The following SLC5A8 variants were observed in gnomAD, a reference collection of about 807,000 sequenced individuals.
The protein encoded by SLC5A8 is solute carrier family 5 member 8, also known as sodium-coupled monocarboxylate transporter 1.
Under a neutral mutation model 71.9 loss-of-function variants are expected in SLC5A8, and 55 were observed. That is an observed-to-expected ratio of 0.77 (90% confidence interval 0.62 to 0.96). The LOEUF is 0.96. Among genes scored for constraint, SLC5A8 ranks in the 40% least tolerant of loss-of-function variants. The pLI is 0.00. For missense variants in SLC5A8, 701 were observed against 745.3 expected (o/e 0.94, Z 0.69); for synonymous variants, 307 against 276.1 (o/e 1.11, Z -1.11).
intron 13 of SLC5A8, among the ~76,000 whole-genome samples, chr12:101,159,436 A>G (rs984695657): frequency 5.6e-4 from 86 of 152,322 alleles, no homozygotes; most frequent in African/African-American, 2.0e-3. Flanking sequence ...AGCCTTCTGC[A>G]TAGTAAAAAT....
Position 101,209,962 on chromosome 12 carries a change from G to C in SLC5A8, c.-114C>G. 1.1e-6 allele frequency: 1 copy of C among 951,668 alleles called. No homozygotes were observed. The highest frequency in any genetic ancestry group is 1.5e-6 in the Non-Finnish European group (1 of 678,530). The allele number at this position is 951,668 out of a possible 1,614,324, so 59.0% of individuals were successfully genotyped here. On this transcript the variant is annotated 5_prime_UTR_variant, in exon 1 of 15. Transcript: ENST00000536262. ...CTGGCGCGCAGGCGTGGCGTCCCGC[G>C]GGGACTGGAGGCGTCCTCCAGGTGT...
intron 12 of SLC5A8, among the ~76,000 whole-genome samples, chr12:101,163,627 C>T (rs1380876011): frequency 6.6e-6 from 1 of 152,086 alleles, no homozygotes; most frequent in Non-Finnish European, 1.5e-5. Context: ...GCATTGAACT[C>T]GAGCCTGGGC....
chr12:101,172,370 G>T (rs1470268121), intron 10 of SLC5A8, among the ~76,000 whole-genome samples: 1 of 152,224 alleles, frequency 6.6e-6, no homozygotes, highest in Admixed American at 6.5e-5. Flanking sequence ...CAGCCATCCA[G>T]ATGGGTGGTA....
At chr12:101,199,074 C>A (rs1210596913) in intron 3 of SLC5A8, among the ~76,000 whole-genome samples, 2 of 151,774 alleles carry the variant, frequency 1.3e-5, no homozygotes, top group Admixed American at 6.6e-5. Context: ...GATGGAATAT[C>A]AACATATAAA....
intron 11 of SLC5A8, 101 bp downstream of exon 11, chr12:101,167,995 A>G: frequency 5.6e-6 from 6 of 1,075,394 alleles, no homozygotes; most frequent in Non-Finnish European, 8.2e-6. Context: ...CAAGACAAGT[A>G]GCTAATGACA....
chr12:101,158,147 C>A, intron 14 of SLC5A8, 102 bp downstream of exon 14: 1 of 836,020 alleles, frequency 1.2e-6, no homozygotes. Context: ...CTATACCTTC[C>A]TTGTCCATCA....
At chr12:101,180,166 C>T in intron 9 of SLC5A8, 70 bp from the exon 10 acceptor site, 1 of 1,452,404 alleles carries the variant, frequency 6.9e-7, no homozygotes, top group Non-Finnish European at 9.7e-7. Flanking sequence ...TAGAATAATC[C>T]ACCACACCTT....
intron 9 of SLC5A8, among the ~76,000 whole-genome samples, 159 bp downstream of exon 9, chr12:101,182,644 A>G (rs2137145174): frequency 6.6e-6 from 1 of 152,334 alleles, no homozygotes; most frequent in Admixed American, 6.5e-5. Flanking sequence ...ACATTGATAC[A>G]AACATTTTTT....
At chr12:101,167,224 A>T (rs2051781832) in intron 11 of SLC5A8, among the ~76,000 whole-genome samples, 1 of 152,212 alleles carries the variant, frequency 6.6e-6, no homozygotes, top group South Asian at 2.1e-4. Flanking sequence ...TCTGAGGTGG[A>T]CACAAACAAA....
intron 1 of SLC5A8, among the ~76,000 whole-genome samples, chr12:101,209,092 G>A (rs1013941488): frequency 1.3e-5 from 2 of 152,122 alleles, no homozygotes; most frequent in African/African-American, 4.8e-5. Context: ...CTGAGGACCT[G>A]GAACAAGAGT....
intron 14 of SLC5A8, among the ~76,000 whole-genome samples, chr12:101,157,799 A>G (rs1373798817): frequency 6.6e-6 from 1 of 152,200 alleles, no homozygotes; most frequent in Non-Finnish European, 1.5e-5. Flanking sequence ...ATAGACAGAT[A>G]TAGAGAGATA....
chr12:101,200,009 C>CAAAAAAAAAAAAAAAA (rs1182463470), intron 3 of SLC5A8, among the ~76,000 whole-genome samples: 1 of 9,636 alleles, frequency 1.0e-4, no homozygotes, highest in Non-Finnish European at 2.0e-4. Context: ...GTACTACCAG[C>CAAAAAAAAAAAAAAAA]AAAAAAAAAA....
At chr12:101,158,598 CTATATATATATATATA>C (rs139268658) in intron 13 of SLC5A8, among the ~76,000 whole-genome samples, 12 of 21,254 alleles carry the variant, frequency 5.6e-4, no homozygotes, top group South Asian at 2.1e-3. Flanking sequence ...CTCTCTCTCT[CTATATATATATATATA>C]TATATATATA....
chr12:101,194,544 C>T (rs1444414580), intron 4 of SLC5A8, among the ~76,000 whole-genome samples: 1 of 152,228 alleles, frequency 6.6e-6, no homozygotes, highest in African/African-American at 2.4e-5. Context: ...CAGCTCACTG[C>T]AGCCTCAAAT....
At chr12:101,199,847 T>C (rs1431192777) in intron 3 of SLC5A8, among the ~76,000 whole-genome samples, 1 of 150,492 alleles carries the variant, frequency 6.6e-6, no homozygotes, top group Admixed American at 6.6e-5. Context: ...CCAATGGAAG[T>C]GAAAACAGGT....
intron 10 of SLC5A8, among the ~76,000 whole-genome samples, chr12:101,175,572 T>C (rs1252480312): frequency 6.6e-6 from 1 of 151,630 alleles, no homozygotes; most frequent in African/African-American, 2.4e-5. Flanking sequence ...CACACCAAGA[T>C]ACATCATAAT....
Position 101,166,692 on chromosome 12 carries a change from A to T in SLC5A8, c.1328T>A (p.Leu443His). The T allele has an allele frequency of 6.2e-7, 1 of 1,600,508 alleles. No homozygotes were observed. ...GGCAAATCCAGCCATCAGACCAACA[A>T]GTGCTCCCTGTAAAACAAGAATGCC... ...LVPFANSIGALVGLMAGFAIS... is the reference protein window; with the variant it reads ...LVPFANSIGAHVGLMAGFAIS... The change falls in exon 12 of 15, where the codon CTT (leucine) becomes CAT (histidine). Residue 443 changes from leucine to histidine, a missense_variant. Transcript: ENST00000536262.
chr12:101,171,688 C>T (rs528645690), intron 10 of SLC5A8, among the ~76,000 whole-genome samples: 18 of 152,190 alleles, frequency 1.2e-4, no homozygotes, highest in African/African-American at 4.3e-4. Flanking sequence ...AGGTAGCGAC[C>T]AAGTCTGGAC....
intron 10 of SLC5A8, among the ~76,000 whole-genome samples, chr12:101,169,935 G>GAAAGTAAA (rs1249356095): frequency 6.6e-6 from 1 of 152,182 alleles, no homozygotes; most frequent in Non-Finnish European, 1.5e-5. Context: ...AAAGTACAAG[G>GAAAGTAAA]TGCTTCTAGA....
Sources: gnomAD v4.1 joint callset for allele counts (sites outside exome capture counted in the v4.1 genomes callset) on GRCh38, gnomAD v4.1.1 for gene constraint, MANE v1.5 for transcripts, NCBI Gene and HGNC (gene_info 2026-07-23, HGNC 2026-07-21) for gene names.